Variants in GPR158 observed in about 807,000 individuals in gnomAD.
GPR158 encodes the protein metabotropic glycine receptor.
Under a neutral mutation model 78.2 loss-of-function variants are expected in GPR158, and 30 were observed. The ratio of observed to expected loss-of-function variants is 0.38; its 90% CI spans 0.29 to 0.52. The LOEUF (loss-of-function observed/expected upper bound fraction) is 0.52. Ranked by LOEUF, GPR158 falls within the 20% of genes least tolerant of loss-of-function variation. The pLI, the probability that GPR158 is intolerant of heterozygous loss-of-function variation, is 0.83. For missense variants in GPR158, 1,463 were observed against 1,523.5 expected, an observed-to-expected ratio of 0.96 and a Z score of 0.66; for synonymous variants, 581 against 591.1, an observed-to-expected ratio of 0.98 and a Z score of 0.25.
intron 2 of GPR158, among the ~76,000 whole-genome samples, chr10:25,307,550 A>AT (rs1158566459): frequency 6.6e-6 from 1 of 151,658 alleles, no homozygotes; most frequent in Non-Finnish European, 1.5e-5. Context: ...TGCCTGGCTA[A>AT]TTTTTTAATT....
In GPR158 at chr10:25,519,705, A is replaced by G. The variant is rs1183429385; in HGVS notation, c.1405-31271A>G. Among the ~76,000 whole-genome samples the G allele has an allele frequency of 4.7e-5, 6 of 127,550 alleles. No homozygotes were observed. In the East Asian group the frequency reaches 1.3e-3, roughly 28 times the overall value. 83.7% of individuals were successfully genotyped at this position (127,550 alleles called of 152,430 possible). On this transcript the variant is annotated intron_variant, in intron 5 of 10. Coordinates refer to ENST00000376351, the MANE Select transcript of GPR158 (RefSeq NM_020752.3). Reference sequence around the variant, plus strand: ...TTAAGAATGTTGAATATTGGCCCCCACTCTCTTCTGGCTTGTAGGGTTTCT... The same window carrying G: ...TTAAGAATGTTGAATATTGGCCCCCGCTCTCTTCTGGCTTGTAGGGTTTCT...
chr10:25,305,146 G>A (rs1854652795), intron 2 of GPR158, among the ~76,000 whole-genome samples: 1 of 152,198 alleles, frequency 6.6e-6, no homozygotes, highest in Admixed American at 6.5e-5. Context: ...ACTTGGCAAG[G>A]TCACCTAAGA....
chr10:25,462,545 T>C (rs1448908655), intron 4 of GPR158, among the ~76,000 whole-genome samples: 1 of 152,184 alleles, frequency 6.6e-6, no homozygotes, highest in African/African-American at 2.4e-5. Flanking sequence ...CAAAGTAAAC[T>C]GAAAACCTCT....
In GPR158 at chr10:25,288,258, TC is replaced by T. The variant is rs2130761576; in HGVS notation, c.1008+67102del. 2.0e-5 allele frequency among the ~76,000 whole-genome samples: 3 copies of T among 152,318 alleles called. No homozygotes were observed. The East Asian group carries it at 5.8e-4, about 29-fold the overall frequency. The stretch of plus-strand genomic sequence containing the variant: ...GGGGTTTGAACACAAGTGTTTTTAA[TC>T]AGCTTTATCACTTCCCAAATAAAAG... On this transcript the variant is annotated intron_variant, in intron 2 of 10. Transcript: ENST00000376351.
chr10:25,475,027 A>G (rs1187990572), intron 5 of GPR158, among the ~76,000 whole-genome samples: 1 of 152,196 alleles, frequency 6.6e-6, no homozygotes, highest in Non-Finnish European at 1.5e-5. Flanking sequence ...TATAATCTGT[A>G]GAAGAATTGT....
At chr10:25,194,343 A>G (rs149011012) in intron 1 of GPR158, among the ~76,000 whole-genome samples, 189 of 152,288 alleles carry the variant, frequency 1.2e-3, no homozygotes, top group African/African-American at 4.2e-3. Context: ...GTTCAAGACC[A>G]GCCTGGCCAA....
At chr10:25,571,162 A>G (rs901900223) in intron 6 of GPR158, among the ~76,000 whole-genome samples, 9 of 152,212 alleles carry the variant, frequency 5.9e-5, no homozygotes, top group African/African-American at 9.6e-5. Context: ...TTGCATATAC[A>G]GAATGGAGAG....
intron 7 of GPR158, among the ~76,000 whole-genome samples, chr10:25,573,330 A>AAATATTGTCTCTGCAAAATTTCTGATT (rs1415934540): frequency 6.6e-6 from 1 of 152,220 alleles, no homozygotes; most frequent in East Asian, 1.9e-4. Flanking sequence ...GTCTTTGTAA[A>AAATATTGTCTCTGCAAAATTTCTGATT]AATATTGTCT....
At chr10:25,316,119 G>A (rs187695166) in intron 2 of GPR158, among the ~76,000 whole-genome samples, 8 of 152,122 alleles carry the variant, frequency 5.3e-5, no homozygotes, top group Admixed American at 3.3e-4. Flanking sequence ...ATTCTCTTAC[G>A]CTAGTAACTT....
rs374381362 is a variant in GPR158 at position 25,572,546 on chromosome 10, GGA to G, written c.1515-102_1515-101del. 2.4e-5 allele frequency: 19 copies of G among 794,610 alleles called. No homozygotes were observed. The South Asian group carries it at 2.5e-4, about 11-fold the overall frequency. The allele number at this position is 794,610 out of a possible 1,614,324, so 49.2% of individuals were successfully genotyped here. On this transcript the variant is annotated intron_variant, in intron 6 of 10. Transcript: ENST00000376351. ...AAAACAAAGCAAACTCTGATTAGCT[GGA>G]TTTTGGTGGGTTTACATTTTACCTA...
chr10:25,377,813 A>G (rs1834102838), intron 2 of GPR158, among the ~76,000 whole-genome samples: 1 of 152,050 alleles, frequency 6.6e-6, no homozygotes. Context: ...ATTTGGGGCT[A>G]TTATGAATAA....
chr10:25,469,028 C>T (rs749899001), intron 5 of GPR158, among the ~76,000 whole-genome samples: 70 of 152,150 alleles, frequency 4.6e-4, no homozygotes, highest in African/African-American at 1.3e-3. Flanking sequence ...AGGAAAGGTA[C>T]GGCTGCCGGG....
At chr10:25,424,437 T>C (rs934560175) in intron 4 of GPR158, among the ~76,000 whole-genome samples, 2 of 151,976 alleles carry the variant, frequency 1.3e-5, no homozygotes, top group Non-Finnish European at 2.9e-5. Flanking sequence ...CTTTTGGTGT[T>C]TTAGACATGA....
chr10:25,454,881 A>G (rs560654263), intron 4 of GPR158, among the ~76,000 whole-genome samples: 3 of 152,276 alleles, frequency 2.0e-5, no homozygotes, highest in East Asian at 3.9e-4. Context: ...CCCCTTGAAT[A>G]TGCATCAACA....
At chr10:25,287,932 A>G (rs1357017016) in intron 2 of GPR158, among the ~76,000 whole-genome samples, 2 of 152,202 alleles carry the variant, frequency 1.3e-5, no homozygotes, top group East Asian at 1.9e-4. Flanking sequence ...TAGAATATAT[A>G]TGCATGGAAT....
At chr10:25,594,124 A>C in intron 8 of GPR158, 168 bp from the exon 9 acceptor site, 1 of 534,198 alleles carries the variant, frequency 1.9e-6, no homozygotes, top group South Asian at 2.4e-5. Context: ...GCATCAAATT[A>C]AGCTTAGACT....
At chr10:25,202,675 T>C (rs1198155138) in intron 1 of GPR158, among the ~76,000 whole-genome samples, 3 of 152,234 alleles carry the variant, frequency 2.0e-5, no homozygotes, top group Non-Finnish European at 4.4e-5. Flanking sequence ...TTGGATTGGT[T>C]CCAAGTCTTT....
chr10:25,175,395 T>C lies in GPR158; in HGVS notation c.-26T>C. 1 of 1,406,170 alleles carries C rather than the reference T, an allele frequency of 7.1e-7. No homozygotes were observed. The highest frequency in any genetic ancestry group is 1.4e-5 in the African/African-American group (1 of 69,618). 87.1% of individuals were successfully genotyped at this position (1,406,170 alleles called of 1,614,324 possible). ...AAAAAGTGATTCCCCCCCCTCCCGT[T>C]CCCTCCTCTTCTCTCTGGGAGGCAG... is the stretch of plus-strand genomic sequence containing the variant. On this transcript the variant is annotated 5_prime_UTR_variant, in exon 1 of 11. Coordinates refer to ENST00000376351, the MANE Select transcript of GPR158 (RefSeq NM_020752.3). The surrounding 1 kb of genome is among the most constrained non-coding windows in gnomAD (Gnocchi z 6.4).
intron 7 of GPR158, among the ~76,000 whole-genome samples, chr10:25,574,572 G>A (rs1837061381): frequency 6.6e-6 from 1 of 152,154 alleles, no homozygotes; most frequent in Non-Finnish European, 1.5e-5. Context: ...GTAAAGAGGT[G>A]TAAAGAACAT....
Sources: gnomAD v4.1 joint callset for allele counts (sites outside exome capture counted in the v4.1 genomes callset) on GRCh38, gnomAD v4.1.1 for gene constraint, Gnocchi (gnomAD v3.1) non-coding constraint, MANE v1.5 for transcripts, NCBI Gene and HGNC (gene_info 2026-07-23, HGNC 2026-07-21) for gene names.